Variants in ZNF385B observed in about 807,000 individuals in gnomAD.
ZNF385B encodes the protein zinc finger protein 385B.
ZNF385B carries 23 observed loss-of-function variants against 39.2 expected under a neutral mutation model. The ratio of observed to expected loss-of-function variants is 0.59; its 90% CI spans 0.42 to 0.83. The LOEUF (loss-of-function observed/expected upper bound fraction) is 0.83. Among genes scored for constraint, ZNF385B ranks in the 40% least tolerant of loss-of-function variants. ZNF385B has a pLI of 0.00. For synonymous variants in ZNF385B, 205 were observed against 222.6 expected, an observed-to-expected ratio of 0.92 and a Z score of 0.70; for missense variants, 552 against 598.9, an observed-to-expected ratio of 0.92 and a Z score of 0.82.
intron 3 of ZNF385B, among the ~76,000 whole-genome samples, chr2:179,575,734 T>C (rs958054967): frequency 3.3e-5 from 5 of 152,098 alleles, no homozygotes; most frequent in African/African-American, 1.2e-4. Context: ...CCAAAATTTC[T>C]GCATGAAGAA....
intron 6 of ZNF385B, among the ~76,000 whole-genome samples, chr2:179,476,084 C>T (rs535139887): frequency 6.6e-6 from 1 of 150,474 alleles, no homozygotes; most frequent in Admixed American, 6.6e-5. Context: ...ATGTGCCTCG[C>T]ACACAGAATA....
chr2:179,594,916 T>C (rs780731715), intron 3 of ZNF385B, among the ~76,000 whole-genome samples: 5 of 151,820 alleles, frequency 3.3e-5, no homozygotes, highest in Non-Finnish European at 7.4e-5. Flanking sequence ...AAGCAATCCC[T>C]CCACCTCAGC....
chr2:179,513,292 A>G (rs2057822923), intron 5 of ZNF385B, among the ~76,000 whole-genome samples: 1 of 152,242 alleles, frequency 6.6e-6, no homozygotes, highest in South Asian at 2.1e-4. Context: ...CACCATTACT[A>G]AACACTGAGA....
intron 3 of ZNF385B, among the ~76,000 whole-genome samples, chr2:179,715,736 G>A (rs1700291592): frequency 6.6e-6 from 1 of 151,594 alleles, no homozygotes; most frequent in Non-Finnish European, 1.5e-5. Context: ...AATGATAAAT[G>A]CCCATCATAA....
At chr2:179,517,523 A>G (rs1348414084) in intron 5 of ZNF385B, among the ~76,000 whole-genome samples, 1 of 149,926 alleles carries the variant, frequency 6.7e-6, no homozygotes, top group East Asian at 1.9e-4. Context: ...TCCAATGACT[A>G]TGATTTTTTA....
chr2:179,801,575 C>T lies in ZNF385B; in HGVS notation c.-154-30903G>A, dbSNP rs193215440. Among the ~76,000 whole-genome samples, 3 of 152,254 alleles carry T rather than the reference C, an allele frequency of 2.0e-5. No individual in the cohort carries two copies. The East Asian group carries it at 5.8e-4, about 29-fold the overall frequency. On this transcript the variant is annotated intron_variant, in intron 1 of 9. Coordinates refer to ENST00000410066, the MANE Select transcript of ZNF385B (RefSeq NM_152520.6). Reference sequence around the variant, plus strand: ...TTATTGTAGTCATGTCTATCTTCAACCCATTACACAGTAAATCCCAATGGT... The same window carrying T: ...TTATTGTAGTCATGTCTATCTTCAATCCATTACACAGTAAATCCCAATGGT...
intron 3 of ZNF385B, among the ~76,000 whole-genome samples, chr2:179,749,790 T>A (rs2106466469): frequency 6.6e-6 from 1 of 152,282 alleles, no homozygotes. Context: ...TTGCCATGAT[T>A]GTCTAAGACT....
chr2:179,524,871 CT>C (rs1309420023), intron 4 of ZNF385B, among the ~76,000 whole-genome samples: 1 of 152,076 alleles, frequency 6.6e-6, no homozygotes, highest in Non-Finnish European at 1.5e-5. Context: ...ATGTGTTATT[CT>C]CCCAGGGGTA....
At chr2:179,704,506 C>T (rs1699444447) in intron 3 of ZNF385B, among the ~76,000 whole-genome samples, 2 of 152,078 alleles carry the variant, frequency 1.3e-5, no homozygotes, top group South Asian at 4.1e-4. Flanking sequence ...AAGGAAACAC[C>T]TCTGGGAGAT....
intron 6 of ZNF385B, among the ~76,000 whole-genome samples, chr2:179,463,658 C>T (rs2051625175): frequency 6.6e-6 from 1 of 152,176 alleles, no homozygotes; most frequent in South Asian, 2.1e-4. Flanking sequence ...CCAGCTTCAT[C>T]TATGTCCCTG....
At chr2:179,652,778 G>C (rs1400306440) in intron 3 of ZNF385B, among the ~76,000 whole-genome samples, 1 of 149,808 alleles carries the variant, frequency 6.7e-6, no homozygotes, top group Non-Finnish European at 1.5e-5. Flanking sequence ...ATACATAATA[G>C]AGTACTATAA....
intron 6 of ZNF385B, among the ~76,000 whole-genome samples, chr2:179,481,536 TA>T (rs537923222): frequency 4.9e-4 from 75 of 152,234 alleles, no homozygotes; most frequent in African/African-American, 1.6e-3. Context: ...CTATTATCCC[TA>T]CAGCCAACCC....
intron 3 of ZNF385B, among the ~76,000 whole-genome samples, chr2:179,644,932 T>C (rs1362812217): frequency 6.6e-6 from 1 of 152,228 alleles, no homozygotes; most frequent in Non-Finnish European, 1.5e-5. Flanking sequence ...CCACATAATT[T>C]GTTCAAAGTT....
intron 3 of ZNF385B, among the ~76,000 whole-genome samples, chr2:179,598,570 C>T (rs940173180): frequency 2.6e-5 from 4 of 151,824 alleles, no homozygotes; most frequent in Non-Finnish European, 5.9e-5. Flanking sequence ...ATATATAAAA[C>T]CTGTAATATT....
At chr2:179,618,025 T>C (rs1260247022) in intron 3 of ZNF385B, among the ~76,000 whole-genome samples, 2 of 152,148 alleles carry the variant, frequency 1.3e-5, no homozygotes, top group Non-Finnish European at 2.9e-5. Context: ...CTGCCAATTG[T>C]AGCCTGAGAA....
intron 3 of ZNF385B, among the ~76,000 whole-genome samples, chr2:179,651,019 G>A (rs1037121027): frequency 2.6e-5 from 4 of 152,074 alleles, no homozygotes; most frequent in Non-Finnish European, 2.9e-5. Flanking sequence ...CCCCTGTGCC[G>A]CTGGTATTAC....
intron 3 of ZNF385B, among the ~76,000 whole-genome samples, chr2:179,725,011 G>A (rs1170270346): frequency 2.0e-5 from 3 of 151,998 alleles, no homozygotes; most frequent in Non-Finnish European, 4.4e-5. Flanking sequence ...TATTTAACTT[G>A]AGAAAAATTA....
intron 4 of ZNF385B, among the ~76,000 whole-genome samples, chr2:179,526,711 C>T (rs1044306743): frequency 1.3e-5 from 2 of 152,178 alleles, no homozygotes; most frequent in Non-Finnish European, 2.9e-5. Context: ...CTGAGGCTTG[C>T]CTTGCTGACA....
intron 3 of ZNF385B, among the ~76,000 whole-genome samples, chr2:179,668,023 TTA>T (rs1321137142): frequency 2.0e-5 from 3 of 152,326 alleles, no homozygotes; most frequent in East Asian, 3.9e-4. Flanking sequence ...GTATCTAGAC[TTA>T]GTTTTCTCCA....
Sources: gnomAD v4.1 joint callset for allele counts (sites outside exome capture counted in the v4.1 genomes callset) on GRCh38, gnomAD v4.1.1 for gene constraint, MANE v1.5 for transcripts, NCBI Gene and HGNC (gene_info 2026-07-23, HGNC 2026-07-21) for gene names.